Variants in CDNF observed in about 807,000 individuals in gnomAD.
CDNF encodes cerebral dopamine neurotrophic factor, also known as ARMET-like protein 1.
CDNF carries 9 observed loss-of-function variants against 14.8 expected under a neutral mutation model. That is an observed-to-expected ratio of 0.61 (90% CI 0.37 to 1.06). CDNF has a LOEUF of 1.06. Ranked by LOEUF, CDNF falls within the 50% of genes least tolerant of loss-of-function variation. The pLI is 0.01. For missense variants in CDNF, 228 were observed against 228.4 expected, an observed-to-expected ratio of 1.00 and a Z score of 0.01; for synonymous variants, 86 against 87.2, an observed-to-expected ratio of 0.99 and a Z score of 0.07.
At chr10:14,836,616 T>C (rs1049623905) in intron 1 of CDNF, among the ~76,000 whole-genome samples, 1 of 152,226 alleles carries the variant, frequency 6.6e-6, no homozygotes, top group Admixed American at 6.5e-5. Context: ...GCAGAGCTCA[T>C]AGAAAGCCAG....
intron 1 of CDNF, among the ~76,000 whole-genome samples, chr10:14,837,210 A>T (rs1833899270): frequency 6.6e-6 from 1 of 152,160 alleles, no homozygotes. Context: ...TTTTGCAAAA[A>T]CCAAAGTCTC....
rs1833815094 is a variant in CDNF, at chr10:14,828,218, T to C, written c.170A>G (p.Asn57Ser). Residue 57 changes from asparagine to serine, a missense_variant, in exon 2 of 4, where the codon AAC (asparagine) becomes AGC (serine). Physicochemically the swap from Asn to Ser is conservative, Grantham distance 46. Transcript: ENST00000465530. ...FYKSLIDRGV[N>S]FSLDTIEKEL... ...TTTCTCTATAGTGTCCAGCGAAAAGTTAACTCCTCTGTCTATCAGTGACTT... is the reference window on the plus strand; with the variant it reads ...TTTCTCTATAGTGTCCAGCGAAAAGCTAACTCCTCTGTCTATCAGTGACTT... 5 of 1,613,632 alleles carry C rather than the reference T, an allele frequency of 3.1e-6. No homozygotes were observed. The highest frequency in any genetic ancestry group is 2.2e-5 in the East Asian group (1 of 44,878).
At chr10:14,820,917 G>A (rs1277946865) in intron 3 of CDNF, among the ~76,000 whole-genome samples, 1 of 151,868 alleles carries the variant, frequency 6.6e-6, no homozygotes, top group East Asian at 1.9e-4. Context: ...GTGAGTTCAT[G>A]AGGGATCTGG....
At chr10:14,822,290 G>A (rs1360056109) in intron 3 of CDNF, among the ~76,000 whole-genome samples, 1 of 151,830 alleles carries the variant, frequency 6.6e-6, no homozygotes, top group Non-Finnish European at 1.5e-5. Flanking sequence ...AAAATATCAA[G>A]AACTCAGCTA....
chr10:14,832,416 C>G lies in CDNF; in HGVS notation c.116-4144G>C, dbSNP rs138748288. 3.6e-4 allele frequency among the ~76,000 whole-genome samples: 55 copies of G among 152,278 alleles called. 1 individual carries two copies. The highest frequency in any genetic ancestry group is 1.2e-3 in the African/African-American group (51 of 41,546). On this transcript the variant is annotated intron_variant, in intron 1 of 3. Coordinates refer to ENST00000465530, the MANE Select transcript of CDNF (RefSeq NM_001029954.3). ...CAGGGCCTTTCAAGCTTGGTAAGGT[C>G]TCTGGATGTCACTCTGAGAAGGGAA... is the stretch of plus-strand genomic sequence containing the variant.
Position 14,827,672 on chromosome 10 carries a change from C to T in CDNF, c.243+473G>A, listed in dbSNP as rs186727709. Among the ~76,000 whole-genome samples, 237 of 152,182 alleles carry T rather than the reference C, an allele frequency of 1.6e-3. 1 individual carries two copies. Among genetic ancestry groups the T allele is most frequent in the African/African-American group, 5.3e-3 (222 of 41,508 alleles). On this transcript the variant is annotated intron_variant, in intron 2 of 3. Coordinates refer to ENST00000465530, the MANE Select transcript of CDNF (RefSeq NM_001029954.3). ...CTTTGGGAGGCTGAGGTGGGTGGAT[C>T]ACCTGAGGTCAGGAGTTCAAGACCA... is the stretch of plus-strand genomic sequence containing the variant.
In CDNF at chr10:14,826,014, CAGAAGAAGAAGAAGG is replaced by C. The variant is rs1376750570; in HGVS notation, c.244-409_244-395del. Among the ~76,000 whole-genome samples, 381 of 92,828 alleles carry C rather than the reference CAGAAGAAGAAGAAGG, an allele frequency of 4.1e-3. 15 individuals carry two copies. Among genetic ancestry groups the C allele is most frequent in the African/African-American group, 0.016 (296 of 18,614 alleles). The allele number at this position is 92,828 out of a possible 152,430, so 60.9% of individuals were successfully genotyped here. A position where few individuals can be genotyped will look rare whatever the true frequency, so the allele number is the denominator to read the frequency against. ...GAAGAAGCAGCAGAAGAAGCAGAAG[CAGAAGAAGAAGAAGG>C]AGAAGAAGAAGAAGAAGAAGAAGAA... is the stretch of plus-strand genomic sequence containing the variant. On this transcript the variant is annotated intron_variant, in intron 2 of 3. Transcript: ENST00000465530.
chr10:14,835,213 G>C (rs1395831523), intron 1 of CDNF, among the ~76,000 whole-genome samples: 1 of 152,166 alleles, frequency 6.6e-6, no homozygotes, highest in African/African-American at 2.4e-5. Context: ...AAGGTCAGTG[G>C]ATATAAGGTT....
rs1833717724 is a variant in CDNF at position 14,819,471 on chromosome 10, ACTC to A, written c.*506_*508del. On this transcript the variant is annotated 3_prime_UTR_variant, in exon 4 of 4. Transcript: ENST00000465530. ...TTTTCTTCCAATGGGAAAAACGAGT[ACTC>A]CTGCCTGACCATTTCTGATACCAAA... The A allele has an allele frequency of 6.6e-6, 1 of 152,194 alleles. No individual in the cohort carries two copies. Among genetic ancestry groups the A allele is most frequent in the Non-Finnish European group, 1.5e-5 (1 of 68,084 alleles). The allele number at this position is 152,194 out of a possible 1,614,324, so 9.4% of individuals were successfully genotyped here.
At chr10:14,826,461 AAAGAAGC>A (rs1564313835) in intron 2 of CDNF, among the ~76,000 whole-genome samples, 7 of 144,036 alleles carry the variant, frequency 4.9e-5, no homozygotes, top group African/African-American at 1.4e-4. Flanking sequence ...GCAGAAGAAG[AAAGAAGC>A]AGAAGAAGAA....
Position 14,826,029 on chromosome 10 carries a change from G to GAGAAGAAGAAGAAGAAGAAGA in CDNF, c.244-430_244-410dup, listed in dbSNP as rs57619992. Among the ~76,000 whole-genome samples, 159 of 86,176 alleles carry GAGAAGAAGAAGAAGAAGAAGA rather than the reference G, an allele frequency of 1.8e-3. 3 individuals carry two copies. The highest frequency in any genetic ancestry group is 3.2e-3 in the East Asian group (9 of 2,792). 56.5% of individuals were successfully genotyped at this position (86,176 alleles called of 152,430 possible). A position where few individuals can be genotyped will look rare whatever the true frequency, so the allele number is the denominator to read the frequency against. On this transcript the variant is annotated intron_variant, in intron 2 of 3. Coordinates refer to ENST00000465530, the MANE Select transcript of CDNF (RefSeq NM_001029954.3). ...GAAGCAGAAGCAGAAGAAGAAGAAG[G>GAGAAGAAGAAGAAGAAGAAGA]AGAAGAAGAAGAAGAAGAAGAAGAA...
intron 3 of CDNF, among the ~76,000 whole-genome samples, chr10:14,823,382 T>A (rs1833753684): frequency 6.6e-6 from 1 of 152,158 alleles, no homozygotes; most frequent in Non-Finnish European, 1.5e-5. Flanking sequence ...CATTAGGTAG[T>A]CATTTCGTCT....
At chr10:14,826,095 A>AAGAAGAAGCAGCAGCAGC (rs1426555042) in intron 2 of CDNF, among the ~76,000 whole-genome samples, 1 of 87,540 alleles carries the variant, frequency 1.1e-5, no homozygotes. Flanking sequence ...GAAGAAGAAG[A>AAGAAGAAGCAGCAGCAGC]AGCAGCAGCA....
intron 1 of CDNF, among the ~76,000 whole-genome samples, chr10:14,828,685 A>G (rs1833819737): frequency 6.6e-6 from 1 of 151,508 alleles, no homozygotes. Context: ...TCAATGCTTC[A>G]TGACAGTGGA....
At chr10:14,828,463 A>T (rs1005320407) in intron 1 of CDNF, among the ~76,000 whole-genome samples, 191 bp from the exon 2 acceptor site, 2 of 152,064 alleles carry the variant, frequency 1.3e-5, no homozygotes, top group Admixed American at 1.3e-4. Context: ...CCCGGCCAAC[A>T]TGGTGAAATC....
At chr10:14,826,510 C>A (rs1451572412) in intron 2 of CDNF, among the ~76,000 whole-genome samples, 11 of 147,656 alleles carry the variant, frequency 7.4e-5, no homozygotes, top group African/African-American at 2.6e-4. Flanking sequence ...GAAAAAGAAG[C>A]AGCAGAAGCA....
chr10:14,836,226 T>G (rs1455710392), intron 1 of CDNF: 3 of 152,220 alleles, frequency 2.0e-5, no homozygotes, highest in Admixed American at 1.3e-4. Context: ...TAGAGCTGGA[T>G]GCAGAATCTG....
intron 1 of CDNF, 68 bp downstream of exon 1, chr10:14,837,764 C>T: frequency 1.0e-6 from 1 of 953,640 alleles, no homozygotes; most frequent in Non-Finnish European, 1.6e-6. Flanking sequence ...CCAGGAGAAG[C>T]CAAAGCCGAC....
At chr10:14,831,494 T>C (rs1303621217) in intron 1 of CDNF, among the ~76,000 whole-genome samples, 2 of 149,508 alleles carry the variant, frequency 1.3e-5, no homozygotes, top group African/African-American at 4.9e-5. Flanking sequence ...CACACATATA[T>C]ATACTGTATA....
Sources: allele counts gnomAD v4.1 joint callset (sites outside exome capture counted in the v4.1 genomes callset), GRCh38; gene constraint gnomAD v4.1.1; transcripts MANE v1.5; gene names NCBI Gene and HGNC (gene_info 2026-07-23, HGNC 2026-07-21).